Variants in PLXDC1 observed in about 807,000 individuals in gnomAD.
PLXDC1 encodes the protein plexin domain containing 1.
Under a neutral mutation model 61.3 loss-of-function variants are expected in PLXDC1, and 39 were observed. The ratio of observed to expected loss-of-function variants is 0.64; its 90% CI spans 0.49 to 0.83. The LOEUF is 0.83. Among genes scored for constraint, PLXDC1 ranks in the 40% least tolerant of loss-of-function variants. The pLI is 0.00. For missense variants in PLXDC1, 596 were observed against 666.5 expected (o/e 0.89, Z 1.17); for synonymous variants, 212 against 254.5 (o/e 0.83, Z 1.59).
chr17:39,065,915 T>A lies in PLXDC1; in HGVS notation c.*1925A>T, dbSNP rs1473935287. On this transcript the variant is annotated 3_prime_UTR_variant, in exon 14 of 14. Coordinates refer to ENST00000315392, the MANE Select transcript of PLXDC1 (RefSeq NM_020405.5). ...GCAGGCTCCAGGGAAAGCAAGTAGT[T>A]GGCAGGTGCCTCTCCAACCTGGTGT... 2 of 152,604 alleles carry A rather than the reference T, an allele frequency of 1.3e-5. No homozygotes were observed. The highest frequency in any genetic ancestry group is 2.9e-5 in the Non-Finnish European group (2 of 68,430). The allele number at this position is 152,604 out of a possible 1,614,324, so 9.5% of individuals were successfully genotyped here.
intron 1 of PLXDC1, among the ~76,000 whole-genome samples, chr17:39,145,254 G>A (rs1270101915): frequency 6.6e-6 from 1 of 152,172 alleles, no homozygotes; most frequent in African/African-American, 2.4e-5. Context: ...GGGAGACTGT[G>A]TCCCCCAGCA....
chr17:39,107,090 G>A (rs1432679296), intron 6 of PLXDC1, among the ~76,000 whole-genome samples: 1 of 152,180 alleles, frequency 6.6e-6, no homozygotes, highest in Non-Finnish European at 1.5e-5. Context: ...TTATCCTTCA[G>A]ATTTCAACTC....
intron 2 of PLXDC1, among the ~76,000 whole-genome samples, chr17:39,133,488 G>C (rs1177430015): frequency 2.0e-5 from 3 of 152,164 alleles, no homozygotes; most frequent in African/African-American, 7.2e-5. Context: ...TGTTTTTGGA[G>C]ACTAGGATGT....
intron 2 of PLXDC1, among the ~76,000 whole-genome samples, chr17:39,129,711 G>GAAAGAAAGAAAGAAAGAAAGAAA (rs1249381083): frequency 3.7e-5 from 4 of 108,334 alleles, no homozygotes; most frequent in East Asian, 5.9e-4. Context: ...AAAGAAAGAA[G>GAAAGAAAGAAAGAAAGAAAGAAA]GAAAGAAAGA....
chr17:39,105,983 C>A, intron 6 of PLXDC1, 30 bp from the exon 7 acceptor site: 1 of 1,494,070 alleles, frequency 6.7e-7, no homozygotes, highest in Non-Finnish European at 9.3e-7. Flanking sequence ...CTCCGTCCAC[C>A]TCCCAAACGC....
chr17:39,126,491 T>C (rs1463226979), intron 2 of PLXDC1, among the ~76,000 whole-genome samples: 2 of 152,168 alleles, frequency 1.3e-5, no homozygotes, highest in Non-Finnish European at 2.9e-5. Flanking sequence ...AAAACACTTC[T>C]AATATTAAAC....
rs200381999 is a variant in PLXDC1 at position 39,079,138 on chromosome 17, C to G, written c.1016G>C (p.Arg339Pro). The G allele has an allele frequency of 5.6e-6, 9 of 1,613,886 alleles. No homozygotes were observed. The highest frequency in any genetic ancestry group is 5.9e-6 in the Non-Finnish European group (7 of 1,179,824). The part of the protein sequence containing the change: ...QRCSSGFDRY[R>P]QEWMDYGCAQ... ...ACAGCCATAGTCCATCCACTCCTGG[C>G]GATAGCGGTCAAAGCCACTGGAGCA... The change falls in exon 10 of 14, where the codon CGC (arginine) becomes CCC (proline). Residue 339 changes from arginine (R) to proline (P), a missense_variant. Transcript: ENST00000315392.
chr17:39,152,374 C>T (rs1700746364), upstream of PLXDC1: 4 of 528,092 alleles, frequency 7.6e-6, no homozygotes, highest in East Asian at 3.6e-5. Context: ...CAGCCCCAGA[C>T]GAGGAAATGG....
intron 7 of PLXDC1, among the ~76,000 whole-genome samples, chr17:39,103,304 C>T (rs933102706): frequency 4.4e-4 from 67 of 151,970 alleles, no homozygotes; most frequent in African/African-American, 1.6e-3. Context: ...GGGAGGCTTG[C>T]AGGGGAGGTT....
intron 2 of PLXDC1, among the ~76,000 whole-genome samples, chr17:39,138,871 C>T (rs1320440620): frequency 6.6e-6 from 1 of 152,100 alleles, no homozygotes; most frequent in African/African-American, 2.4e-5. Context: ...CACCTACACA[C>T]ACAGCCACAG....
chr17:39,094,194 T>TG (rs980913460), intron 7 of PLXDC1, among the ~76,000 whole-genome samples: 1 of 152,050 alleles, frequency 6.6e-6, no homozygotes, highest in Non-Finnish European at 1.5e-5. Flanking sequence ...TGAGTAAGCC[T>TG]GGGGGCCTGG....
At chr17:39,129,356 A>G (rs1911458482) in intron 2 of PLXDC1, among the ~76,000 whole-genome samples, 1 of 146,092 alleles carries the variant, frequency 6.8e-6, no homozygotes, top group South Asian at 2.2e-4. Flanking sequence ...CAGTGGCTCA[A>G]ACCTGTAATC....
At chr17:39,128,939 G>A (rs1323874335) in intron 2 of PLXDC1, among the ~76,000 whole-genome samples, 1 of 151,758 alleles carries the variant, frequency 6.6e-6, no homozygotes, top group African/African-American at 2.4e-5. Context: ...GAACCTGGTA[G>A]GTGGAGGTTG....
At chr17:39,087,751 G>A (rs12600774) in intron 7 of PLXDC1, 49 bp from the exon 8 acceptor site, 343,539 of 1,376,402 alleles carry the variant, frequency 0.25, 46,703 homozygotes, top group Admixed American at 0.48. Context: ...CAGGCAGAGG[G>A]CATCGAGGCC....
At chr17:39,079,428 G>A (rs1909469104) in intron 9 of PLXDC1, 1 of 545,092 alleles carries the variant, frequency 1.8e-6, no homozygotes. Flanking sequence ...GACTGCATGA[G>A]CTCCAGTGAT....
chr17:39,127,322 A>G (rs1158072993), intron 2 of PLXDC1, among the ~76,000 whole-genome samples: 5 of 151,800 alleles, frequency 3.3e-5, no homozygotes, highest in Non-Finnish European at 7.4e-5. Flanking sequence ...AGGATGCCAG[A>G]CTCTCAGAAC....
Position 39,069,195 on chromosome 17 carries a change from C to A in PLXDC1, c.1383+661G>T, listed in dbSNP as rs112562913. Among the ~76,000 whole-genome samples, 491 of 152,234 alleles carry A rather than the reference C, an allele frequency of 3.2e-3. 2 individuals carry two copies. The highest frequency in any genetic ancestry group is 7.3e-3 in the Admixed American group (112 of 15,292). On this transcript the variant is annotated intron_variant, in intron 13 of 13. Coordinates refer to ENST00000315392, the MANE Select transcript of PLXDC1 (RefSeq NM_020405.5). ...GTCAGGGCTCACTGCAGCCTCAAAC[C>A]ACTGGGCTCAAGGGATCCTCCCACC...
Position 39,072,497 on chromosome 17 carries a change from GAA to G in PLXDC1, c.1187-14_1187-13del. On this transcript the variant is annotated splice_polypyrimidine_tract_variant and intron_variant, in intron 11 of 13. Transcript: ENST00000315392. ...CAACTTGGTGTCATCTTCAAAGAGA[GAA>G]GACAGAAGGAGCAAGATTAGTGGAA... is the stretch of plus-strand genomic sequence containing the variant. 6.6e-7 allele frequency: 1 copy of G among 1,515,138 alleles called. No individual in the cohort carries two copies. Among genetic ancestry groups the G allele is most frequent in the South Asian group, 1.2e-5 (1 of 83,608 alleles). The allele number at this position is 1,515,138 out of a possible 1,614,324, so 93.9% of individuals were successfully genotyped here.
intron 2 of PLXDC1, among the ~76,000 whole-genome samples, chr17:39,132,279 C>T (rs1911589354): frequency 6.6e-6 from 1 of 152,152 alleles, no homozygotes; most frequent in South Asian, 2.1e-4. Context: ...TAAATTGTGG[C>T]ACATCCCAGG....
Sources: allele counts gnomAD v4.1 joint callset (sites outside exome capture counted in the v4.1 genomes callset), GRCh38; gene constraint gnomAD v4.1.1; transcripts MANE v1.5; gene names NCBI Gene and HGNC (gene_info 2026-07-23, HGNC 2026-07-21).